The following VWA3A variants were observed in gnomAD, a reference collection of about 807,000 sequenced individuals.
The protein encoded by VWA3A is von Willebrand factor A domain containing 3A.
A neutral mutation model predicts 160.4 loss-of-function variants in VWA3A; 134 were observed. The ratio of observed to expected loss-of-function variants is 0.84; its 90% CI spans 0.73 to 0.96. The LOEUF is 0.96. Ranked by LOEUF, VWA3A falls within the 40% of genes least tolerant of loss-of-function variation. The probability of loss-of-function intolerance (pLI) is 0.00; values close to 1 mark genes in which losing one functional copy is unlikely to be tolerated. For missense variants in VWA3A, 1,310 were observed against 1,447.9 expected (o/e 0.90, Z 1.55); for synonymous variants, 476 against 543.4 (o/e 0.88, Z 1.72).
intron 11 of VWA3A, among the ~76,000 whole-genome samples, chr16:22,118,204 T>C (rs2316102): frequency 0.98 from 150,004 of 152,306 alleles, 73,985 homozygotes; most frequent in Non-Finnish European, 1. Context: ...TCACTTGAGC[T>C]CAGGAGTTTG....
rs957755869 is a variant in VWA3A at position 22,110,884 on chromosome 16, A to T, written c.583-4A>T. 1 of 1,601,616 alleles carries T rather than the reference A, an allele frequency of 6.2e-7. No individual in the cohort carries two copies. The highest frequency in any genetic ancestry group is 1.7e-5 in the Admixed American group (1 of 57,910). ...GGAGCCAGTGATGTCCTTTTGTCCA[A>T]CAGAGCCTCATCGATGAGCAGCTGA... On this transcript the variant is annotated splice_region_variant and splice_polypyrimidine_tract_variant and intron_variant, in intron 7 of 33. Transcript: ENST00000389398.
chr16:22,131,501 T>A (rs1039486851), intron 18 of VWA3A, 84 bp from the exon 19 acceptor site: 3 of 1,570,934 alleles, frequency 1.9e-6, no homozygotes, highest in Non-Finnish European at 2.6e-6. Flanking sequence ...ACGTCTGAGA[T>A]GGAAAAGGCT....
chr16:22,140,341 C>G lies in VWA3A; in HGVS notation c.2383+97C>G, dbSNP rs954230854. ...TAGTAACTAGAGCCACGTGTGGAAG[C>G]TCGTGCCTATAATCCCAGCACTTTT... On this transcript the variant is annotated intron_variant, in intron 23 of 33. Transcript: ENST00000389398. 5 of 1,186,400 alleles carry G rather than the reference C, an allele frequency of 4.2e-6. No homozygotes were observed. The African/African-American group carries it at 7.6e-5, about 18-fold the overall frequency. The allele number at this position is 1,186,400 out of a possible 1,614,324, so 73.5% of individuals were successfully genotyped here.
intron 18 of VWA3A, 126 bp from the exon 19 acceptor site, chr16:22,131,459 C>A: frequency 6.7e-7 from 1 of 1,490,868 alleles, no homozygotes; most frequent in South Asian, 1.3e-5. Flanking sequence ...TGGCCATCTT[C>A]ACTTTATGAG....
At chr16:22,115,808 A>ACCTGGG (rs1172296543) in intron 9 of VWA3A, among the ~76,000 whole-genome samples, 1 of 142,192 alleles carries the variant, frequency 7.0e-6, no homozygotes, top group Non-Finnish European at 1.5e-5. Context: ...CTGCCCTGTA[A>ACCTGGG]CCTGGGCAAC....
chr16:22,135,289 G>A (rs1782688695), intron 21 of VWA3A, among the ~76,000 whole-genome samples: 1 of 152,138 alleles, frequency 6.6e-6, no homozygotes, highest in African/African-American at 2.4e-5. Flanking sequence ...GCATTCCTTG[G>A]CTTGAGGAGC....
At chr16:22,108,947 A>G (rs1379233968) in intron 6 of VWA3A, among the ~76,000 whole-genome samples, 10 of 152,194 alleles carry the variant, frequency 6.6e-5, no homozygotes, top group Non-Finnish European at 1.5e-4. Flanking sequence ...GTGGTGGCAC[A>G]TGGTTGCTTG....
chr16:22,127,097 A>C (rs1013688242), intron 17 of VWA3A, among the ~76,000 whole-genome samples: 21 of 150,634 alleles, frequency 1.4e-4, no homozygotes, highest in African/African-American at 5.1e-4. Context: ...TAGCATTTTT[A>C]ATTTAAAAAC....
At chr16:22,127,034 G>A (rs2045862389) in intron 17 of VWA3A, among the ~76,000 whole-genome samples, 1 of 148,868 alleles carries the variant, frequency 6.7e-6, no homozygotes, top group African/African-American at 2.4e-5. Context: ...GTTTTAAAAT[G>A]TTAATATAGT....
At chr16:22,112,346 T>C (rs2045564792) in intron 8 of VWA3A, among the ~76,000 whole-genome samples, 1 of 152,214 alleles carries the variant, frequency 6.6e-6, no homozygotes, top group African/African-American at 2.4e-5. Context: ...CTCATTTTGC[T>C]GATGAGGAAA....
Position 22,122,203 on chromosome 16 carries a change from G to A in VWA3A, c.1356+586G>A, listed in dbSNP as rs577186796. Reference sequence around the variant, plus strand: ...TGAGTGGATGGATAGATAGATGGATGGATAGATGGATGGGTGGGGGGGTGG... The same window carrying A: ...TGAGTGGATGGATAGATAGATGGATAGATAGATGGATGGGTGGGGGGGTGG... On this transcript the variant is annotated intron_variant, in intron 14 of 33. Transcript: ENST00000389398. 4.5e-5 allele frequency among the ~76,000 whole-genome samples: 6 copies of A among 134,650 alleles called. 1 individual carries two copies. In the South Asian group the frequency reaches 1.5e-3, roughly 35 times the overall value. 88.3% of individuals were successfully genotyped at this position (134,650 alleles called of 152,430 possible). A position where few individuals can be genotyped will look rare whatever the true frequency, so the allele number is the denominator to read the frequency against.
rs1447110290 is a variant in VWA3A, at chr16:22,140,244, G to A, written c.2383G>A (p.Ala795Thr). The change falls in exon 23 of 34, where the codon GCT becomes ACT. Residue 795 changes from alanine (A) to threonine (T), a missense_variant and splice_region_variant. Coordinates refer to ENST00000389398, the MANE Select transcript of VWA3A (RefSeq NM_173615.5). The stretch of plus-strand genomic sequence containing the variant: ...CAGTAGCAGAGTTGGCATCTCACCA[G>A]GTAAGGCACCATCACGGTCAGGCAG... ...PLSSRVGISP[A>T]AAQPTKEGMM... 1 of 1,613,338 alleles carries A rather than the reference G, an allele frequency of 6.2e-7. No individual in the cohort carries two copies. The highest frequency in any genetic ancestry group is 1.3e-5 in the African/African-American group (1 of 75,020).
At chr16:22,155,404 G>A (rs2046423109) in intron 31 of VWA3A, among the ~76,000 whole-genome samples, 163 bp from the exon 32 acceptor site, 1 of 152,004 alleles carries the variant, frequency 6.6e-6, no homozygotes, top group Non-Finnish European at 1.5e-5. Flanking sequence ...GTCTTGATAG[G>A]TAGTGAGCTT....
intron 27 of VWA3A, among the ~76,000 whole-genome samples, chr16:22,147,147 C>T (rs2046268211): frequency 6.6e-6 from 1 of 152,154 alleles, no homozygotes; most frequent in South Asian, 2.1e-4. Context: ...CTCAACCTTG[C>T]AAGGACCTGA....
intron 14 of VWA3A, 69 bp downstream of exon 14, chr16:22,121,686 T>A: frequency 7.9e-7 from 1 of 1,262,816 alleles, no homozygotes; most frequent in Non-Finnish European, 1.1e-6. Flanking sequence ...CCTACCTTCA[T>A]AAATGTTCTG....
chr16:22,150,271 C>T (rs1428205889), intron 29 of VWA3A, among the ~76,000 whole-genome samples: 2 of 152,148 alleles, frequency 1.3e-5, no homozygotes, highest in Admixed American at 6.5e-5. Context: ...CGTGGTGGCA[C>T]ATGCCTGTAA....
rs769152135 is a variant in VWA3A at position 22,134,377 on chromosome 16, A to G, written c.2078A>G (p.Glu693Gly). 86 of 1,598,378 alleles carry G rather than the reference A, an allele frequency of 5.4e-5. No individual in the cohort carries two copies. Among genetic ancestry groups the G allele is most frequent in the Non-Finnish European group, 6.7e-5 (79 of 1,172,114 alleles). The change falls in exon 21 of 34, where the codon GAG (glutamate) becomes GGG (glycine). Residue 693 changes from glutamate to glycine, a missense_variant. Coordinates refer to ENST00000389398, the MANE Select transcript of VWA3A (RefSeq NM_173615.5). ...FHWFGDTGIYESDDINSIMSE... is the reference protein window; with the variant it reads ...FHWFGDTGIYGSDDINSIMSE... ...TGTGCTTTGTTTCCAGGCATTTATG[A>G]GAGCGATGACATCAACTCCATCATG...
intron 32 of VWA3A, 78 bp from the exon 33 acceptor site, chr16:22,155,773 T>C: frequency 1.2e-6 from 2 of 1,608,194 alleles, no homozygotes; most frequent in Non-Finnish European, 1.7e-6. Context: ...GCTCCAAGGG[T>C]TCCTGCCCTG....
chr16:22,101,076 A>C (rs1598045370), intron 5 of VWA3A, among the ~76,000 whole-genome samples: 1 of 151,886 alleles, frequency 6.6e-6, no homozygotes, highest in African/African-American at 2.4e-5. Flanking sequence ...GGACCAGATC[A>C]GTGTCTCTCA....
Sources: gnomAD v4.1 joint callset for allele counts (sites outside exome capture counted in the v4.1 genomes callset) on GRCh38, gnomAD v4.1.1 for gene constraint, MANE v1.5 for transcripts, NCBI Gene and HGNC (gene_info 2026-07-23, HGNC 2026-07-21) for gene names.